Variants in PARD3 observed in about 807,000 individuals in gnomAD.
The protein encoded by PARD3 is partitioning defective 3 homolog.
Under a neutral mutation model 155.4 loss-of-function variants are expected in PARD3, and 75 were observed. The observed-to-expected ratio is 0.48, with a 90% CI of 0.40 to 0.58. The LOEUF (loss-of-function observed/expected upper bound fraction) is 0.58, where lower values mean the gene tolerates loss of function less well. Ranked by LOEUF, PARD3 falls within the 20% of genes least tolerant of loss-of-function variation. The pLI, the probability that PARD3 is intolerant of heterozygous loss-of-function variation, is 0.00. For synonymous variants in PARD3, 576 were observed against 610.5 expected (o/e 0.94, Z 0.83); for missense variants, 1,642 against 1,721.7 (o/e 0.95, Z 0.82).
rs771720299 is a variant in PARD3, at chr10:34,758,558, CA to C, written c.120+56317del. On this transcript the variant is annotated intron_variant, in intron 1 of 24. Coordinates refer to ENST00000374788, the MANE Select transcript of PARD3 (RefSeq NM_001184785.2). ...CCCACAATTTCCTTCTTCCTCTTAT[CA>C]CGTCACACTGTCTACAGAAGGACAC... is the stretch of plus-strand genomic sequence containing the variant. Among the ~76,000 whole-genome samples the C allele has an allele frequency of 4.7e-4, 71 of 152,346 alleles. 1 individual carries two copies. The highest frequency in any genetic ancestry group is 3.4e-4 in the Non-Finnish European group (23 of 68,032).
At chr10:34,128,140 T>C (rs539053483) in intron 23 of PARD3, among the ~76,000 whole-genome samples, 1 of 152,168 alleles carries the variant, frequency 6.6e-6, no homozygotes, top group Non-Finnish European at 1.5e-5. Flanking sequence ...TGATCCCACA[T>C]TGCCAGTTGC....
intron 23 of PARD3, 52 bp from the exon 24 acceptor site, chr10:34,119,792 C>G: frequency 6.7e-7 from 1 of 1,484,300 alleles, no homozygotes; most frequent in East Asian, 2.4e-5. Flanking sequence ...CTGTACAGAT[C>G]ACACAACTGG....
chr10:34,339,215 C>G (rs1407676637), intron 16 of PARD3, among the ~76,000 whole-genome samples: 1 of 152,102 alleles, frequency 6.6e-6, no homozygotes, highest in African/African-American at 2.4e-5. Context: ...CTTTTTACCT[C>G]TTCTAGAATA....
At chr10:34,130,494 C>T (rs1947549527) in intron 23 of PARD3, among the ~76,000 whole-genome samples, 1 of 152,164 alleles carries the variant, frequency 6.6e-6, no homozygotes, top group South Asian at 2.1e-4. Context: ...CTAGAGTTTC[C>T]TACCTTAAGC....
chr10:34,352,697 A>G (rs894772838), intron 14 of PARD3, among the ~76,000 whole-genome samples: 1 of 152,104 alleles, frequency 6.6e-6, no homozygotes, highest in Non-Finnish European at 1.5e-5. Flanking sequence ...GCTCGCTACA[A>G]TCTCCACCTC....
intron 2 of PARD3, among the ~76,000 whole-genome samples, chr10:34,532,000 G>A (rs556679544): frequency 6.6e-6 from 1 of 150,468 alleles, no homozygotes; most frequent in South Asian, 2.1e-4. Flanking sequence ...ACAACAGGAG[G>A]GGGCTATGAT....
At chr10:34,343,942 G>A in intron 15 of PARD3, 3 of 981,818 alleles carry the variant, frequency 3.1e-6, no homozygotes, top group Non-Finnish European at 3.6e-6. Flanking sequence ...GATACTAGAG[G>A]AAAACTGTGC....
chr10:34,588,326 A>G (rs2088300382), intron 2 of PARD3, among the ~76,000 whole-genome samples: 1 of 152,206 alleles, frequency 6.6e-6, no homozygotes, highest in Non-Finnish European at 1.5e-5. Context: ...CGGGCCTCTG[A>G]CAGCTCTTCT....
chr10:34,255,201 C>G (rs1954592147), intron 22 of PARD3, among the ~76,000 whole-genome samples: 1 of 151,876 alleles, frequency 6.6e-6, no homozygotes, highest in South Asian at 2.1e-4. Context: ...CAGAGAAAAC[C>G]CTCATTCCTC....
intron 22 of PARD3, among the ~76,000 whole-genome samples, chr10:34,261,848 ACAC>A (rs570453697): frequency 0.058 from 8,678 of 150,104 alleles, 889 homozygotes; most frequent in African/African-American, 0.19. Flanking sequence ...AAACAAACAC[ACAC>A]ACACTGGACA....
intron 1 of PARD3, among the ~76,000 whole-genome samples, chr10:34,697,558 G>C (rs555375644): frequency 6.6e-6 from 1 of 152,002 alleles, no homozygotes; most frequent in Non-Finnish European, 1.5e-5. Flanking sequence ...TCACTGAAAC[G>C]GAACACTTAT....
chr10:34,172,367 C>T (rs1391942989), intron 22 of PARD3, among the ~76,000 whole-genome samples: 1 of 152,140 alleles, frequency 6.6e-6, no homozygotes, highest in Non-Finnish European at 1.5e-5. Flanking sequence ...ATGTGTCATG[C>T]TCAGAGAAAA....
At chr10:34,422,849 G>T (rs552023725) in intron 5 of PARD3, among the ~76,000 whole-genome samples, 17 of 152,044 alleles carry the variant, frequency 1.1e-4, no homozygotes, top group Non-Finnish European at 1.6e-4. Flanking sequence ...AAATTAGTAC[G>T]GCTATTATGA....
rs1338584872 is a variant in PARD3 at position 34,110,431 on chromosome 10, C to T, written c.*738G>A. ...CGGCAGGAGCCACTCCTGTCTCCCACGTTCCCCACACAGAGCTGTGGTGAC... is the reference window on the plus strand; with the variant it reads ...CGGCAGGAGCCACTCCTGTCTCCCATGTTCCCCACACAGAGCTGTGGTGAC... On this transcript the variant is annotated 3_prime_UTR_variant, in exon 25 of 25. Coordinates refer to ENST00000374788, the MANE Select transcript of PARD3 (RefSeq NM_001184785.2). 2 of 152,244 alleles carry T rather than the reference C, an allele frequency of 1.3e-5. No individual in the cohort carries two copies. The highest frequency in any genetic ancestry group is 1.9e-4 in the East Asian group (1 of 5,182). 9.4% of individuals were successfully genotyped at this position (152,244 alleles called of 1,614,324 possible).
At chr10:34,171,885 G>A (rs1030344142) in intron 22 of PARD3, among the ~76,000 whole-genome samples, 1 of 146,012 alleles carries the variant, frequency 6.8e-6, no homozygotes, top group South Asian at 2.3e-4. Flanking sequence ...AGGAGGTGGA[G>A]GTTTCAGTGA....
At chr10:34,657,688 G>A (rs1244439382) in intron 2 of PARD3, among the ~76,000 whole-genome samples, 1 of 152,038 alleles carries the variant, frequency 6.6e-6, no homozygotes, top group Non-Finnish European at 1.5e-5. Context: ...ACAGGCACAC[G>A]CCACCACGCC....
chr10:34,530,696 C>T (rs1236649294), intron 2 of PARD3, among the ~76,000 whole-genome samples: 2 of 152,192 alleles, frequency 1.3e-5, no homozygotes, highest in African/African-American at 2.4e-5. Flanking sequence ...CTGGCTTTCA[C>T]GATATTTCTA....
intron 22 of PARD3, among the ~76,000 whole-genome samples, chr10:34,180,934 C>T (rs1284643537): frequency 2.6e-5 from 4 of 152,060 alleles, no homozygotes; most frequent in Non-Finnish European, 5.9e-5. Context: ...ACACCCAATG[C>T]GCTTGTGGAA....
intron 19 of PARD3, among the ~76,000 whole-genome samples, chr10:34,319,779 T>G (rs1244906086): frequency 6.6e-6 from 1 of 152,192 alleles, no homozygotes; most frequent in East Asian, 1.9e-4. Flanking sequence ...CATGGCTGTG[T>G]TCTATCTGCT....
Sources: allele counts gnomAD v4.1 joint callset (sites outside exome capture counted in the v4.1 genomes callset), GRCh38; gene constraint gnomAD v4.1.1; transcripts MANE v1.5; gene names NCBI Gene and HGNC (gene_info 2026-07-23, HGNC 2026-07-21).